CYP27C1: variants seen among roughly 807,000 people sequenced by gnomAD.
The protein encoded by CYP27C1 is cytochrome P450 family 27 subfamily C member 1.
CYP27C1 carries 29 observed loss-of-function variants against 40.6 expected under a neutral mutation model. The observed-to-expected ratio is 0.71, with a 90% CI of 0.53 to 0.97. CYP27C1 has a LOEUF of 0.97. CYP27C1 is among the 50% of genes least tolerant of loss of function. CYP27C1 has a pLI of 0.00. For missense variants in CYP27C1, 390 were observed against 485.8 expected, an observed-to-expected ratio of 0.80 and a Z score of 1.85; for synonymous variants, 198 against 186.8, an observed-to-expected ratio of 1.06 and a Z score of -0.49.
In CYP27C1 at chr2:127,200,049, G is replaced by A. The variant is rs1372908852; in HGVS notation, c.884-510C>T. Among the ~76,000 whole-genome samples the A allele has an allele frequency of 2.0e-5, 3 of 152,112 alleles. No homozygotes were observed. The highest frequency in any genetic ancestry group is 1.9e-4 in the East Asian group (1 of 5,186). ...GGCTGGAGTGCAGTGGCAGGATCTC[G>A]GCTCACTGCAACCTCCGCCTCCCGG... On this transcript the variant is annotated intron_variant, in intron 4 of 8. Coordinates refer to ENST00000664447, the MANE Select transcript of CYP27C1 (RefSeq NM_001367502.1). The surrounding 1 kb of genome is among the most constrained non-coding windows in gnomAD (Gnocchi z 4.2).
chr2:127,191,677 G>A (rs1682777978), intron 8 of CYP27C1, among the ~76,000 whole-genome samples: 1 of 152,234 alleles, frequency 6.6e-6, no homozygotes, highest in Non-Finnish European at 1.5e-5. Flanking sequence ...GGCCCCTTTT[G>A]TAAATGACGT....
chr2:127,214,802 T>G lies in CYP27C1; in HGVS notation c.282+5187A>C, dbSNP rs200308289. Among the ~76,000 whole-genome samples the G allele has an allele frequency of 8.8e-3, 757 of 86,476 alleles. 1 individual carries two copies. The highest frequency in any genetic ancestry group is 0.025 in the African/African-American group (713 of 29,052). The allele number at this position is 86,476 out of a possible 152,430, so 56.7% of individuals were successfully genotyped here. On this transcript the variant is annotated intron_variant, in intron 1 of 8. Transcript: ENST00000664447. ...TTTTTGTTTTTTTTTTTTTTTTTGG[T>G]TTTTTTTTTTTTAGAGGAAATTAAA...
chr2:127,206,915 A>G (rs2104695282), intron 1 of CYP27C1, among the ~76,000 whole-genome samples: 1 of 152,372 alleles, frequency 6.6e-6, no homozygotes, highest in South Asian at 2.1e-4. Context: ...AGAAAATCCT[A>G]CGGAACCTAC....
At position 127,219,684 on chromosome 2, in the gene CYP27C1, C is replaced by T. The variant is rs998748166; in HGVS notation, c.282+305G>A. 6.6e-6 allele frequency among the ~76,000 whole-genome samples: 1 copy of T among 152,070 alleles called. No individual in the cohort carries two copies. Among genetic ancestry groups the T allele is most frequent in the Non-Finnish European group, 1.5e-5 (1 of 67,994 alleles). ...TCAGCTCCCTCTGCCTGCTGCCCCT[C>T]TCCGGGGTCCGCTTCCCGAAGACCC... On this transcript the variant is annotated intron_variant, in intron 1 of 8. Transcript: ENST00000664447. The surrounding 1 kb of genome is among the most constrained non-coding windows in gnomAD (Gnocchi z 8.7).
Position 127,193,083 on chromosome 2 carries a change from C to G in CYP27C1, c.1497+11G>C. 6.2e-7 allele frequency: 1 copy of G among 1,613,942 alleles called. No individual in the cohort carries two copies. Among genetic ancestry groups the G allele is most frequent in the Non-Finnish European group, 8.5e-7 (1 of 1,179,960 alleles). On this transcript the variant is annotated intron_variant, in intron 8 of 8. Coordinates refer to ENST00000664447, the MANE Select transcript of CYP27C1 (RefSeq NM_001367502.1). ...GAACCCAAAGGCCAACGTTTGGCCT[C>G]CACGCCCTACCTGGATCACGACGAG...
chr2:127,192,944 G>A, intron 8 of CYP27C1, 150 bp downstream of exon 8: 2 of 1,001,290 alleles, frequency 2.0e-6, no homozygotes, highest in South Asian at 3.3e-5. Context: ...CTGAGTAGCT[G>A]GGACCACAGG....
intron 7 of CYP27C1, 95 bp downstream of exon 7, chr2:127,193,694 C>G (rs1427009398): frequency 8.2e-6 from 11 of 1,344,998 alleles, no homozygotes. Flanking sequence ...ACCTATTGAT[C>G]TCTGCTTAGG....
chr2:127,193,903 T>C (rs761536590), intron 6 of CYP27C1, 36 bp from the exon 7 acceptor site: 3 of 1,610,086 alleles, frequency 1.9e-6, no homozygotes, highest in Non-Finnish European at 1.7e-6. Flanking sequence ...AATGGCGTGG[T>C]GACTTTCACA....
chr2:127,207,638 C>G (rs1262879472), intron 1 of CYP27C1, among the ~76,000 whole-genome samples: 21 of 151,420 alleles, frequency 1.4e-4, no homozygotes, highest in Non-Finnish European at 2.5e-4. Context: ...CCACCACACT[C>G]AGGCCTGGGT....
At position 127,218,637 on chromosome 2, in the gene CYP27C1, G is replaced by T. The variant is rs981267449; in HGVS notation, c.282+1352C>A. ...TTGGGGCTTCTCCCTCACGTTCATTGACTGAATGGCTGATGGAACGAATGA... is the reference window on the plus strand; with the variant it reads ...TTGGGGCTTCTCCCTCACGTTCATTTACTGAATGGCTGATGGAACGAATGA... On this transcript the variant is annotated intron_variant, in intron 1 of 8. Coordinates refer to ENST00000664447, the MANE Select transcript of CYP27C1 (RefSeq NM_001367502.1). The surrounding 1 kb of genome is among the most constrained non-coding windows in gnomAD (Gnocchi z 6.0). Among the ~76,000 whole-genome samples the T allele has an allele frequency of 6.6e-6, 1 of 152,176 alleles. No individual in the cohort carries two copies. Among genetic ancestry groups the T allele is most frequent in the Non-Finnish European group, 1.5e-5 (1 of 68,036 alleles).
chr2:127,187,376 A>C lies in CYP27C1; in HGVS notation c.1509T>G (p.His503Gln), dbSNP rs751962747. The change falls in exon 9 of 9, where the codon CAT (histidine) becomes CAG (glutamine). Residue 503 changes from histidine to glutamine, a missense_variant. His to Gln is a conservative substitution (Grantham distance 24). Coordinates refer to ENST00000664447, the MANE Select transcript of CYP27C1 (RefSeq NM_001367502.1). ...IHLVVIQLLQ[H>Q]FEIKTSSQTN... ...TCTGAGAAGATGTTTTGATCTCAAA[A>C]TGTTGAAGCAACTAAGAAGAGAAAG... 2 of 1,614,086 alleles carry C rather than the reference A, an allele frequency of 1.2e-6. No individual in the cohort carries two copies. Among genetic ancestry groups the C allele is most frequent in the Non-Finnish European group, 1.7e-6 (2 of 1,179,928 alleles).
At chr2:127,203,213 G>A (rs1303812539) in intron 3 of CYP27C1, among the ~76,000 whole-genome samples, 159 bp downstream of exon 3, 1 of 151,872 alleles carries the variant, frequency 6.6e-6, no homozygotes, top group Non-Finnish European at 1.5e-5. Flanking sequence ...GTCAACGGTG[G>A]TTCACACCAG....
chr2:127,218,066 T>C lies in CYP27C1; in HGVS notation c.282+1923A>G, dbSNP rs79733096. ...GCAGCAAGTGAGTCAGTTGTGACTC[T>C]CTGCTCCGTGCCCCAGGGCCCTGGG... On this transcript the variant is annotated intron_variant, in intron 1 of 8. Coordinates refer to ENST00000664447, the MANE Select transcript of CYP27C1 (RefSeq NM_001367502.1). The surrounding 1 kb of genome is among the most constrained non-coding windows in gnomAD (Gnocchi z 6.0). Among the ~76,000 whole-genome samples the C allele has an allele frequency of 4.7e-3, 718 of 152,302 alleles. 10 individuals are homozygous for C. Among genetic ancestry groups the C allele is most frequent in the South Asian group, 0.03 (146 of 4,822 alleles).
At chr2:127,189,060 G>A (rs1048556579) in intron 8 of CYP27C1, among the ~76,000 whole-genome samples, 1 of 151,964 alleles carries the variant, frequency 6.6e-6, no homozygotes, top group Admixed American at 6.6e-5. Flanking sequence ...TGGACATGTG[G>A]GTCTCCTAAC....
chr2:127,197,658 C>G (rs1055001813), intron 5 of CYP27C1, among the ~76,000 whole-genome samples: 1 of 152,212 alleles, frequency 6.6e-6, no homozygotes. Flanking sequence ...AGCACCCCAG[C>G]CCGCAGCTTC....
intron 6 of CYP27C1, 56 bp from the exon 7 acceptor site, chr2:127,193,923 T>A: frequency 6.3e-7 from 1 of 1,588,200 alleles, no homozygotes; most frequent in Non-Finnish European, 8.6e-7. Context: ...AGTATTTTAT[T>A]GAACGTTCAG....
At chr2:127,216,812 A>G (rs748614561) in intron 1 of CYP27C1, among the ~76,000 whole-genome samples, 1 of 152,200 alleles carries the variant, frequency 6.6e-6, no homozygotes, top group Non-Finnish European at 1.5e-5. Flanking sequence ...GGGCTGGGGA[A>G]AGTTACTAAG....
At chr2:127,204,422 AGAG>A (rs1573901017) in intron 2 of CYP27C1, among the ~76,000 whole-genome samples, 1 of 127,070 alleles carries the variant, frequency 7.9e-6, no homozygotes, top group African/African-American at 2.8e-5. Context: ...GAAAAGAAAG[AGAG>A]AAAGGAAAGA....
rs946566097 is a variant in CYP27C1, at chr2:127,209,001, A to C, written c.283-2911T>G. Among the ~76,000 whole-genome samples, 1 of 152,186 alleles carries C rather than the reference A, an allele frequency of 6.6e-6. No individual in the cohort carries two copies. The highest frequency in any genetic ancestry group is 2.4e-5 in the African/African-American group (1 of 41,444). On this transcript the variant is annotated intron_variant, in intron 1 of 8. Transcript: ENST00000664447. The surrounding 1 kb of genome is among the most constrained non-coding windows in gnomAD (Gnocchi z 4.1). Reference sequence around the variant, plus strand: ...AAACACACCCTCCCCACCAAGGGACAAAGTGCTTTATTAAAAGGTTCTTGC... The same window carrying C: ...AAACACACCCTCCCCACCAAGGGACCAAGTGCTTTATTAAAAGGTTCTTGC...
Sources: allele counts gnomAD v4.1 joint callset (sites outside exome capture counted in the v4.1 genomes callset), GRCh38; gene constraint gnomAD v4.1.1; non-coding constraint Gnocchi (gnomAD v3.1); transcripts MANE v1.5; gene names NCBI Gene and HGNC (gene_info 2026-07-23, HGNC 2026-07-21).